MACROD2: variants seen among roughly 807,000 people sequenced by gnomAD.
MACROD2 encodes the protein mono-ADP ribosylhydrolase 2, also known as ADP-ribose glycohydrolase MACROD2.
MACROD2 carries 36 observed loss-of-function variants against 70.4 expected under a neutral mutation model. The ratio of observed to expected loss-of-function variants is 0.51; its 90% CI spans 0.39 to 0.68. The LOEUF (loss-of-function observed/expected upper bound fraction) is 0.68. Among genes scored for constraint, MACROD2 ranks in the 30% least tolerant of loss-of-function variants. The pLI is 0.00. For missense variants in MACROD2, 496 were observed against 538.4 expected (o/e 0.92, Z 0.78); for synonymous variants, 172 against 178.8 (o/e 0.96, Z 0.30).
Position 14,014,643 on chromosome 20 carries a change from G to T in MACROD2, c.163+12239G>T, listed in dbSNP as rs569471660. ...TTGCTTCTCCAGAGTTAATTCACTT[G>T]CCATTTTTTCCTCCTGCAGATATAT... On this transcript the variant is annotated intron_variant, in intron 2 of 17. Coordinates refer to ENST00000684519, the MANE Select transcript of MACROD2 (RefSeq NM_001351661.2). Among the ~76,000 whole-genome samples, 83 of 152,038 alleles carry T rather than the reference G, an allele frequency of 5.5e-4. 1 individual carries two copies. The South Asian group carries it at 0.016, about 30-fold the overall frequency.
At chr20:15,169,618 T>C (rs1010270770) in intron 5 of MACROD2, among the ~76,000 whole-genome samples, 1 of 152,224 alleles carries the variant, frequency 6.6e-6, no homozygotes, top group Non-Finnish European at 1.5e-5. Context: ...TAGTTTTCTC[T>C]AAGAAGAAAA....
intron 8 of MACROD2, among the ~76,000 whole-genome samples, chr20:15,732,051 T>C: frequency 6.8e-6 from 1 of 147,934 alleles, no homozygotes; most frequent in Non-Finnish European, 1.5e-5. Context: ...CCACAATGCC[T>C]GGCCAAGTTT....
At chr20:14,937,207 G>A (rs957950163) in intron 5 of MACROD2, among the ~76,000 whole-genome samples, 3 of 152,026 alleles carry the variant, frequency 2.0e-5, no homozygotes, top group Admixed American at 6.6e-5. Context: ...TGGAGGTAGC[G>A]TAGGCCGAGA....
chr20:14,829,618 C>T (rs566887711), intron 5 of MACROD2, among the ~76,000 whole-genome samples: 26 of 152,050 alleles, frequency 1.7e-4, no homozygotes, highest in African/African-American at 5.8e-4. Context: ...ATTTAGAATG[C>T]GAATATTAGT....
At chr20:15,233,983 T>TTATTTATATATATA (rs1491448574) in intron 6 of MACROD2, among the ~76,000 whole-genome samples, 1 of 44,020 alleles carries the variant, frequency 2.3e-5, no homozygotes, top group African/African-American at 9.0e-5. Flanking sequence ...ATATATTTAT[T>TTATTTATATATATA]TATATATATA....
At chr20:14,322,115 T>C (rs1317757677) in intron 3 of MACROD2, among the ~76,000 whole-genome samples, 25 of 143,862 alleles carry the variant, frequency 1.7e-4, no homozygotes. Context: ...TGCATGGAAA[T>C]GTATGTATAA....
At chr20:15,983,166 T>C (rs567676867) in intron 13 of MACROD2, among the ~76,000 whole-genome samples, 1 of 152,362 alleles carries the variant, frequency 6.6e-6, no homozygotes, top group Admixed American at 6.5e-5. Context: ...TACTAAAATA[T>C]TGACTTAAAT....
At chr20:15,100,979 C>G (rs946116012) in intron 5 of MACROD2, among the ~76,000 whole-genome samples, 1 of 151,978 alleles carries the variant, frequency 6.6e-6, no homozygotes, top group Non-Finnish European at 1.5e-5. Context: ...AAAAAAGTAA[C>G]TTATTACCTT....
At chr20:14,997,344 G>C (rs534728876) in intron 5 of MACROD2, among the ~76,000 whole-genome samples, 1 of 152,264 alleles carries the variant, frequency 6.6e-6, no homozygotes, top group African/African-American at 2.4e-5. Context: ...GAAGTATCTA[G>C]TCTTGGCAAG....
chr20:15,590,223 T>C (rs2048658997), intron 8 of MACROD2, among the ~76,000 whole-genome samples: 1 of 152,246 alleles, frequency 6.6e-6, no homozygotes, highest in South Asian at 2.1e-4. Flanking sequence ...GAGAACTCAC[T>C]ATACGCCAGG....
intron 4 of MACROD2, among the ~76,000 whole-genome samples, chr20:14,550,951 C>T (rs1978612122): frequency 6.6e-6 from 1 of 151,532 alleles, no homozygotes; most frequent in Admixed American, 6.6e-5. Context: ...AAGACAGTAA[C>T]TAATTGCATT....
chr20:14,438,654 G>A (rs780738621), intron 3 of MACROD2, among the ~76,000 whole-genome samples: 2 of 152,042 alleles, frequency 1.3e-5, no homozygotes, highest in East Asian at 1.9e-4. Context: ...GCATTTCCCC[G>A]ATGATTAAAG....
At chr20:15,402,884 G>T (rs2146311023) in intron 6 of MACROD2, among the ~76,000 whole-genome samples, 1 of 152,260 alleles carries the variant, frequency 6.6e-6, no homozygotes, top group African/African-American at 2.4e-5. Context: ...TAAATATGTT[G>T]AGAGAAATAC....
intron 8 of MACROD2, among the ~76,000 whole-genome samples, chr20:15,647,917 C>G (rs1172920311): frequency 6.6e-6 from 1 of 152,068 alleles, no homozygotes; most frequent in Non-Finnish European, 1.5e-5. Flanking sequence ...TGGGGTCTCA[C>G]CATGTTGGCC....
At chr20:15,616,648 C>T (rs910297566) in intron 8 of MACROD2, among the ~76,000 whole-genome samples, 15 of 152,132 alleles carry the variant, frequency 9.9e-5, no homozygotes, top group Admixed American at 9.2e-4. Flanking sequence ...CCCTGAATTG[C>T]CTGGTTCTAA....
chr20:14,908,410 T>C (rs943260094), intron 5 of MACROD2, among the ~76,000 whole-genome samples: 2 of 152,014 alleles, frequency 1.3e-5, no homozygotes, highest in African/African-American at 2.4e-5. Flanking sequence ...ATCCCAGCAC[T>C]TTGGGAGGCC....
In MACROD2 at chr20:15,257,723, T is replaced by C. The variant is rs559941102; in HGVS notation, c.540+27662T>C. On this transcript the variant is annotated intron_variant, in intron 6 of 17. Transcript: ENST00000684519. ...GCACATATATATGTATAGCACACAA[T>C]ACTTAAGATAATAAACTATATTATT... is the stretch of plus-strand genomic sequence containing the variant. Among the ~76,000 whole-genome samples the C allele has an allele frequency of 2.8e-3, 430 of 152,212 alleles. 1 individual carries two copies. The highest frequency in any genetic ancestry group is 3.7e-3 in the Non-Finnish European group (252 of 67,974).
chr20:15,519,552 G>A (rs1236410160), intron 8 of MACROD2, among the ~76,000 whole-genome samples: 1 of 152,170 alleles, frequency 6.6e-6, no homozygotes, highest in Non-Finnish European at 1.5e-5. Flanking sequence ...TATGAAACTA[G>A]TTGATAAGAA....
chr20:14,827,137 G>A (rs1419013215), intron 5 of MACROD2, among the ~76,000 whole-genome samples: 1 of 152,078 alleles, frequency 6.6e-6, no homozygotes, highest in East Asian at 1.9e-4. Flanking sequence ...GGATGGCTGT[G>A]ACATTTGCTG....
Sources: allele counts gnomAD v4.1 joint callset (sites outside exome capture counted in the v4.1 genomes callset), GRCh38; gene constraint gnomAD v4.1.1; transcripts MANE v1.5; gene names NCBI Gene and HGNC (gene_info 2026-07-23, HGNC 2026-07-21).